KIAA1549: variants seen among roughly 807,000 people sequenced by gnomAD.
The protein encoded by KIAA1549 is UPF0606 protein KIAA1549.
Under a neutral mutation model 156.4 loss-of-function variants are expected in KIAA1549, and 70 were observed. The ratio of observed to expected loss-of-function variants is 0.45; its 90% CI spans 0.37 to 0.55. The LOEUF (loss-of-function observed/expected upper bound fraction) is 0.55. Among genes scored for constraint, KIAA1549 ranks in the 20% least tolerant of loss-of-function variants. The probability of loss-of-function intolerance (pLI) is 0.00; values close to 1 mark genes in which losing one functional copy is unlikely to be tolerated. For synonymous variants in KIAA1549, 1,103 were observed against 1,066.4 expected, an observed-to-expected ratio of 1.03 and a Z score of -0.67; for missense variants, 2,428 against 2,540.9, an observed-to-expected ratio of 0.96 and a Z score of 0.96.
intron 1 of KIAA1549, among the ~76,000 whole-genome samples, chr7:138,941,454 A>G (rs1302874886): frequency 6.6e-6 from 1 of 152,252 alleles, no homozygotes; most frequent in African/African-American, 2.4e-5. Flanking sequence ...ATTAAGAAGT[A>G]CTAAAATAAC....
At chr7:138,950,685 C>T (rs1459685436) in intron 1 of KIAA1549, among the ~76,000 whole-genome samples, 1 of 152,218 alleles carries the variant, frequency 6.6e-6, no homozygotes, top group Non-Finnish European at 1.5e-5. Context: ...CCAGGCACCA[C>T]TGACAGCAAA....
chr7:138,845,519 T>G lies in KIAA1549; in HGVS notation c.5295-1045A>C, dbSNP rs141918209. Among the ~76,000 whole-genome samples the G allele has an allele frequency of 2.9e-3, 447 of 152,372 alleles. 2 individuals are homozygous for G. Among genetic ancestry groups the G allele is most frequent in the Non-Finnish European group, 5.4e-3 (367 of 68,038 alleles). ...TGCAATATGGAATCTGAAATGATACTGGTGAACTTTTCGTACTCTGTTACG... is the reference window on the plus strand; with the variant it reads ...TGCAATATGGAATCTGAAATGATACGGGTGAACTTTTCGTACTCTGTTACG... On this transcript the variant is annotated intron_variant, in intron 17 of 19. Coordinates refer to ENST00000422774, the MANE Select transcript of KIAA1549 (RefSeq NM_001164665.2).
intron 17 of KIAA1549, among the ~76,000 whole-genome samples, chr7:138,848,718 AT>A (rs1016219882): frequency 6.6e-6 from 1 of 151,890 alleles, no homozygotes; most frequent in Non-Finnish European, 1.5e-5. Context: ...TTCTTTTTCT[AT>A]TTTTTTAGAA....
intron 12 of KIAA1549, among the ~76,000 whole-genome samples, chr7:138,875,464 G>A (rs1211463326): frequency 6.6e-6 from 1 of 151,912 alleles, no homozygotes; most frequent in Non-Finnish European, 1.5e-5. Context: ...GGGCAACATG[G>A]CAAGACCTCG....
At chr7:138,971,925 G>A (rs1814232218) in intron 1 of KIAA1549, among the ~76,000 whole-genome samples, 1 of 152,180 alleles carries the variant, frequency 6.6e-6, no homozygotes, top group Non-Finnish European at 1.5e-5. Context: ...ACTGCAGACA[G>A]TCAAGCAAGG....
chr7:138,948,084 C>T (rs966712423), intron 1 of KIAA1549, among the ~76,000 whole-genome samples: 1 of 152,070 alleles, frequency 6.6e-6, no homozygotes, highest in African/African-American at 2.4e-5. Flanking sequence ...CTTCTTATCA[C>T]ATCTGATTAA....
chr7:138,934,850 G>A lies in KIAA1549; in HGVS notation c.188-15412C>T, dbSNP rs111957102. On this transcript the variant is annotated intron_variant, in intron 1 of 19. Coordinates refer to ENST00000422774, the MANE Select transcript of KIAA1549 (RefSeq NM_001164665.2). Reference sequence around the variant, plus strand: ...CCAAATGATGAATGGCCATGATACCGGCAGTGGGCAGCTTCAGGTTTAGCT... The same window carrying A: ...CCAAATGATGAATGGCCATGATACCAGCAGTGGGCAGCTTCAGGTTTAGCT... Among the ~76,000 whole-genome samples the A allele has an allele frequency of 3.0e-3, 456 of 152,300 alleles. 6 individuals carry two copies. The highest frequency in any genetic ancestry group is 0.011 in the African/African-American group (439 of 41,548).
intron 16 of KIAA1549, among the ~76,000 whole-genome samples, chr7:138,854,594 G>C (rs891143402): frequency 6.6e-6 from 1 of 151,850 alleles, no homozygotes; most frequent in African/African-American, 2.4e-5. Context: ...AGAGTGATCA[G>C]GCTCCCCTTG....
At chr7:138,927,198 TATCC>T (rs778284645) in intron 1 of KIAA1549, among the ~76,000 whole-genome samples, 2 of 152,242 alleles carry the variant, frequency 1.3e-5, no homozygotes, top group African/African-American at 2.4e-5. Context: ...GACCAAAATT[TATCC>T]ATCTACAGTG....
chr7:138,907,062 C>G lies in KIAA1549; in HGVS notation c.3317G>C (p.Arg1106Pro). The change falls in exon 6 of 20, where the codon CGG (arginine) becomes CCG (proline). Residue 1106 changes from arginine to proline, a missense_variant. By Grantham distance (103) the Arg-to-Pro change is moderately radical. Transcript: ENST00000422774. Reference protein sequence around the residue: ...ITISSSRVTPRRGPVNIIFAV... With the variant: ...ITISSSRVTPPRGPVNIIFAV... ...AAAGATGATATTCACCGGGCCCCGC[C>G]GAGGAGTCACCCTTGAGGAACTGAT... 1 of 1,611,188 alleles carries G rather than the reference C, an allele frequency of 6.2e-7. No homozygotes were observed. The highest frequency in any genetic ancestry group is 1.1e-5 in the South Asian group (1 of 90,498).
At chr7:138,874,471 AT>A (rs1257802865) in intron 12 of KIAA1549, among the ~76,000 whole-genome samples, 36 of 152,252 alleles carry the variant, frequency 2.4e-4, no homozygotes, top group Middle Eastern at 3.2e-3. Flanking sequence ...GCATACACAT[AT>A]CAAAACATCA....
At chr7:138,944,437 C>T (rs1180505095) in intron 1 of KIAA1549, among the ~76,000 whole-genome samples, 4 of 145,062 alleles carry the variant, frequency 2.8e-5, no homozygotes, top group African/African-American at 9.8e-5. Flanking sequence ...AAATTGGAAC[C>T]CTTATACACA....
intron 12 of KIAA1549, among the ~76,000 whole-genome samples, chr7:138,877,780 G>A (rs1003717008): frequency 3.9e-5 from 6 of 152,106 alleles, no homozygotes; most frequent in South Asian, 4.1e-4. Context: ...CATCTAATTC[G>A]CTTCTTTCCT....
rs1809618047 is a variant in KIAA1549, at chr7:138,833,824, CCTCTGTAGAT to C, written c.*4072_*4081del. 1 of 233,288 alleles carries C rather than the reference CCTCTGTAGAT, an allele frequency of 4.3e-6. No homozygotes were observed. The highest frequency in any genetic ancestry group is 8.5e-6 in the Non-Finnish European group (1 of 118,078). 14.5% of individuals were successfully genotyped at this position (233,288 alleles called of 1,614,324 possible). Reference sequence around the variant, plus strand: ...TTGCCTCCCCCACACTGGAGTACTTCCTCTGTAGATCTTCACAGCCCTGGTCGTTTCCTTG... The same window carrying C: ...TTGCCTCCCCCACACTGGAGTACTTCCTTCACAGCCCTGGTCGTTTCCTTG... On this transcript the variant is annotated 3_prime_UTR_variant, in exon 20 of 20. Coordinates refer to ENST00000422774, the MANE Select transcript of KIAA1549 (RefSeq NM_001164665.2).
Position 138,837,750 on chromosome 7 carries a change from G to A in KIAA1549, c.*156C>T, listed in dbSNP as rs928362461. ...GTGAAAGGCTCATGAGCTGTCACAC[G>A]ACGTATGGCATCTTCTAAATTGCAA... On this transcript the variant is annotated 3_prime_UTR_variant, in exon 20 of 20. Transcript: ENST00000422774. 3.0e-5 allele frequency: 22 copies of A among 729,016 alleles called. No homozygotes were observed. Among genetic ancestry groups the A allele is most frequent in the Middle Eastern group, 7.9e-4 (2 of 2,520 alleles). The allele number at this position is 729,016 out of a possible 1,614,324, so 45.2% of individuals were successfully genotyped here.
At position 138,919,162 on chromosome 7, in the gene KIAA1549, T is replaced by G; in HGVS notation, c.464A>C (p.Asp155Ala). ...ATCTGGCAGAAAGTTATCCATCTCA[T>G]CGTCATTGACGGCCACCTCTTTACT... ...VTSKEVAVND[D>A]EMDNFLPDTH... Residue 155 changes from aspartate to alanine, a missense_variant, in exon 2 of 20, where the codon GAT (aspartate) becomes GCT (alanine). Coordinates refer to ENST00000422774, the MANE Select transcript of KIAA1549 (RefSeq NM_001164665.2). The G allele has an allele frequency of 6.2e-7, 1 of 1,614,014 alleles. No individual in the cohort carries two copies. Among genetic ancestry groups the G allele is most frequent in the Non-Finnish European group, 8.5e-7 (1 of 1,179,900 alleles).
chr7:138,890,234 G>A (rs1363597268), intron 10 of KIAA1549, among the ~76,000 whole-genome samples: 2 of 152,126 alleles, frequency 1.3e-5, no homozygotes, highest in African/African-American at 4.8e-5. Flanking sequence ...TGAACACGTG[G>A]GCCATAAATA....
At position 138,833,399 on chromosome 7, in the gene KIAA1549, C is replaced by T. The variant is rs118059213; in HGVS notation, c.*4507G>A. On this transcript the variant is annotated 3_prime_UTR_variant, in exon 20 of 20. Coordinates refer to ENST00000422774, the MANE Select transcript of KIAA1549 (RefSeq NM_001164665.2). ...CTGGAACACTTAGAAAAAAGTTGTG[C>T]GAAAGAAGGAACGCTGAACCTGTCC... is the stretch of plus-strand genomic sequence containing the variant. 24 of 232,134 alleles carry T rather than the reference C, an allele frequency of 1.0e-4. No individual in the cohort carries two copies. Among genetic ancestry groups the T allele is most frequent in the Non-Finnish European group, 1.9e-4 (22 of 117,498 alleles). The allele number at this position is 232,134 out of a possible 1,614,324, so 14.4% of individuals were successfully genotyped here.
At position 138,905,073 on chromosome 7, in the gene KIAA1549, A is replaced by G; in HGVS notation, c.3469T>C (p.Tyr1157His). 6.4e-7 allele frequency: 1 copy of G among 1,573,520 alleles called. No individual in the cohort carries two copies. Among genetic ancestry groups the G allele is most frequent in the East Asian group, 2.3e-5 (1 of 43,374 alleles). The stretch of plus-strand genomic sequence containing the variant: ...AACTGAGATAAGTTGAGCTGTGGAT[A>G]CTGGAAGGCTACAAAAGGGAAAGAA... ...PVLQIAEPFQ[Y>H]PQLNLSQLLK... is the part of the protein sequence containing the mutation. Residue 1157 changes from tyrosine to histidine, a missense_variant, in exon 7 of 20, where the codon TAT becomes CAT. By Grantham distance (83) the Tyr-to-His change is moderately conservative (BLOSUM62 2). Coordinates refer to ENST00000422774, the MANE Select transcript of KIAA1549 (RefSeq NM_001164665.2).
Sources: gnomAD v4.1 joint callset for allele counts (sites outside exome capture counted in the v4.1 genomes callset) on GRCh38, gnomAD v4.1.1 for gene constraint, MANE v1.5 for transcripts, NCBI Gene and HGNC (gene_info 2026-07-23, HGNC 2026-07-21) for gene names.